The following EMP2 variants were observed in gnomAD, a reference collection of about 807,000 sequenced individuals.
EMP2 encodes epithelial membrane protein 2.
Under a neutral mutation model 13.7 loss-of-function variants are expected in EMP2, and 19 were observed. The ratio of observed to expected loss-of-function variants is 1.38; its 90% CI spans 0.97 to 2.03. EMP2 has a LOEUF of 2.03. Among genes scored for constraint, EMP2 ranks in the 30% most tolerant of loss-of-function variants. EMP2 has a pLI of 0.00. For missense variants in EMP2, 253 were observed against 220.7 expected (o/e 1.15, Z -0.93); for synonymous variants, 97 against 84.7 (o/e 1.15, Z -0.80).
intron 1 of EMP2, among the ~76,000 whole-genome samples, chr16:10,568,847 C>T (rs1457963159): frequency 1.6e-5 from 2 of 125,872 alleles, no homozygotes; most frequent in Non-Finnish European, 3.1e-5. Flanking sequence ...AGTACAGTGG[C>T]GCAATGTCGG....
intron 1 of EMP2, among the ~76,000 whole-genome samples, chr16:10,568,296 A>T (rs2142206715): frequency 6.6e-6 from 1 of 152,388 alleles, no homozygotes; most frequent in South Asian, 2.1e-4. Flanking sequence ...TCAAAGCACC[A>T]GCTGCCTCAC....
At chr16:10,550,170 G>T (rs554113994) in intron 1 of EMP2, among the ~76,000 whole-genome samples, 77 of 152,262 alleles carry the variant, frequency 5.1e-4, no homozygotes, top group African/African-American at 1.7e-3. Context: ...ACAGGCGTGA[G>T]CCACCGCACC....
chr16:10,530,156 A>C lies in EMP2; in HGVS notation c.*2749T>G, dbSNP rs1337522262. ...TGTCTCTGGCCCCAGGTCACCCTGT[A>C]CTGCATTGGTGGCTTCTCCATAGGG... is the stretch of plus-strand genomic sequence containing the variant. On this transcript the variant is annotated 3_prime_UTR_variant, in exon 5 of 5. Coordinates refer to ENST00000359543, the MANE Select transcript of EMP2 (RefSeq NM_001424.6). 6.6e-6 allele frequency: 1 copy of C among 152,124 alleles called. No homozygotes were observed. Among genetic ancestry groups the C allele is most frequent in the East Asian group, 1.9e-4 (1 of 5,184 alleles). 9.4% of individuals were successfully genotyped at this position (152,124 alleles called of 1,614,324 possible).
At chr16:10,549,883 C>CTT (rs59259895) in intron 1 of EMP2, among the ~76,000 whole-genome samples, 93 of 112,246 alleles carry the variant, frequency 8.3e-4, no homozygotes, top group Non-Finnish European at 1.2e-3. Context: ...TTTTCTTTTT[C>CTT]TTTTTTTTTT....
chr16:10,538,678 G>A (rs186837496), intron 3 of EMP2, among the ~76,000 whole-genome samples: 13 of 152,270 alleles, frequency 8.5e-5, no homozygotes, highest in African/African-American at 2.9e-4. Flanking sequence ...CAGTGGAGAA[G>A]GGAGGCCTAG....
At chr16:10,568,258 A>G (rs1459858766) in intron 1 of EMP2, among the ~76,000 whole-genome samples, 13 of 152,224 alleles carry the variant, frequency 8.5e-5, no homozygotes, top group Non-Finnish European at 1.5e-5. Flanking sequence ...TTTGCAAACC[A>G]CTTCCCTTGG....
chr16:10,560,763 G>T (rs1596378675), intron 1 of EMP2, among the ~76,000 whole-genome samples: 1 of 152,184 alleles, frequency 6.6e-6, no homozygotes, highest in African/African-American at 2.4e-5. Context: ...GATGGGCGGA[G>T]TGGTGGGGAG....
At chr16:10,550,485 G>C (rs57316807) in intron 1 of EMP2, among the ~76,000 whole-genome samples, 7,038 of 152,090 alleles carry the variant, frequency 0.046, 228 homozygotes, top group African/African-American at 0.089. Flanking sequence ...CCTCAAATTT[G>C]TGTTCGATGT....
At chr16:10,537,607 CCT>C (rs1234592811) in intron 4 of EMP2, among the ~76,000 whole-genome samples, 1 of 152,160 alleles carries the variant, frequency 6.6e-6, no homozygotes, top group East Asian at 1.9e-4. Context: ...ACTGTTCCCT[CCT>C]CTCTCTATTG....
At chr16:10,534,430 G>T (rs528590883) in intron 4 of EMP2, among the ~76,000 whole-genome samples, 10 of 152,238 alleles carry the variant, frequency 6.6e-5, no homozygotes, top group Admixed American at 2.6e-4. Context: ...CAGTTAATTC[G>T]ATTTTCTCTC....
At chr16:10,573,930 CTTTTTTTTTTT>C (rs371646297) in intron 1 of EMP2, among the ~76,000 whole-genome samples, 20 of 83,208 alleles carry the variant, frequency 2.4e-4, no homozygotes, top group African/African-American at 8.2e-4. Context: ...ATGGATAAAC[CTTTTTTTTTTT>C]TTTTTTTTTT....
intron 1 of EMP2, among the ~76,000 whole-genome samples, chr16:10,553,095 C>T (rs1398395081): frequency 6.6e-6 from 1 of 152,242 alleles, no homozygotes. Flanking sequence ...TTGCTGGTGA[C>T]TTCACCCGAG....
rs111364972 is a variant in EMP2, at chr16:10,531,748, GATGAATGAATGAATGA to G, written c.*1141_*1156del. ...ATGCATGCAAGTTATGATTTATGTT[GATGAATGAATGAATGA>G]ATGAATGAATGAATGAATGAATGAA... On this transcript the variant is annotated 3_prime_UTR_variant, in exon 5 of 5. Coordinates refer to ENST00000359543, the MANE Select transcript of EMP2 (RefSeq NM_001424.6). 502 of 151,964 alleles carry G rather than the reference GATGAATGAATGAATGA, an allele frequency of 3.3e-3. 8 individuals are homozygous for G. The East Asian group carries it at 0.063, about 19-fold the overall frequency. The allele number at this position is 151,964 out of a possible 1,614,324, so 9.4% of individuals were successfully genotyped here.
At chr16:10,576,134 T>C (rs573040238) in intron 1 of EMP2, among the ~76,000 whole-genome samples, 106 of 152,164 alleles carry the variant, frequency 7.0e-4, no homozygotes, top group South Asian at 2.3e-3. Context: ...AGCAGAAGTA[T>C]CTGTGAAACC....
chr16:10,566,655 C>G (rs979601582), intron 1 of EMP2, among the ~76,000 whole-genome samples: 17 of 152,348 alleles, frequency 1.1e-4, no homozygotes, highest in Admixed American at 5.9e-4. Context: ...GTTCTGTCTT[C>G]AGTGGTCTCC....
intron 1 of EMP2, among the ~76,000 whole-genome samples, chr16:10,564,896 T>G (rs1242016898): frequency 6.6e-6 from 1 of 152,206 alleles, no homozygotes; most frequent in Non-Finnish European, 1.5e-5. Flanking sequence ...TAAACTTATA[T>G]TTTTATAAAA....
At chr16:10,566,570 A>G (rs1184636621) in intron 1 of EMP2, among the ~76,000 whole-genome samples, 2 of 152,210 alleles carry the variant, frequency 1.3e-5, no homozygotes, top group Non-Finnish European at 2.9e-5. Context: ...AGAGCTATCT[A>G]AAATCACCCC....
chr16:10,534,142 G>GA (rs1411093646), intron 4 of EMP2, among the ~76,000 whole-genome samples: 3 of 152,030 alleles, frequency 2.0e-5, no homozygotes, highest in Non-Finnish European at 4.4e-5. Context: ...ATGACTGCCT[G>GA]AAAAGAGAGC....
chr16:10,545,926 A>T (rs2050735466), intron 2 of EMP2: 1 of 152,332 alleles, frequency 6.6e-6, no homozygotes, highest in Non-Finnish European at 1.5e-5. Flanking sequence ...TCCAGAACCC[A>T]AATGCGATTA....
Sources: gnomAD v4.1 joint callset for allele counts (sites outside exome capture counted in the v4.1 genomes callset) on GRCh38, gnomAD v4.1.1 for gene constraint, MANE v1.5 for transcripts, NCBI Gene and HGNC (gene_info 2026-07-23, HGNC 2026-07-21) for gene names.